The following LBR variants were observed in gnomAD, a reference collection of about 807,000 sequenced individuals.
LBR encodes delta(14)-sterol reductase LBR.
A neutral mutation model predicts 74.3 loss-of-function variants in LBR; 28 were observed. That is an observed-to-expected ratio of 0.38 (90% CI 0.28 to 0.52). The LOEUF (loss-of-function observed/expected upper bound fraction) is 0.52. Ranked by LOEUF, LBR falls within the 20% of genes least tolerant of loss-of-function variation. The pLI, the probability that LBR is intolerant of heterozygous loss-of-function variation, is 0.89. For missense variants in LBR, 717 were observed against 760.3 expected, an observed-to-expected ratio of 0.94 and a Z score of 0.67; for synonymous variants, 228 against 269.3, an observed-to-expected ratio of 0.85 and a Z score of 1.50.
chr1:225,405,601 C>T (rs1312972716), intron 11 of LBR, among the ~76,000 whole-genome samples: 1 of 152,164 alleles, frequency 6.6e-6, no homozygotes, highest in Non-Finnish European at 1.5e-5. Flanking sequence ...CACCTTCCAC[C>T]CTGGGATGCT....
At chr1:225,411,192 A>G in intron 9 of LBR, 145 bp downstream of exon 9, 1 of 708,210 alleles carries the variant, frequency 1.4e-6, no homozygotes, top group East Asian at 2.6e-5. Context: ...TACTTACAAG[A>G]AAGTATTTTG....
At chr1:225,413,440 G>A (rs2150951051) in intron 7 of LBR, among the ~76,000 whole-genome samples, 1 of 152,310 alleles carries the variant, frequency 6.6e-6, no homozygotes, top group Non-Finnish European at 1.5e-5. Flanking sequence ...GTGCCTCAAA[G>A]AGCTGTGATC....
At chr1:225,410,053 T>C (rs2096101453) in intron 10 of LBR, among the ~76,000 whole-genome samples, 1 of 152,200 alleles carries the variant, frequency 6.6e-6, no homozygotes, top group South Asian at 2.1e-4. Flanking sequence ...ATTTAGAATA[T>C]TACTTTTAAA....
intron 8 of LBR, 147 bp from the exon 9 acceptor site, chr1:225,411,587 G>A (rs1330365002): frequency 2.1e-5 from 15 of 705,818 alleles, no homozygotes; most frequent in South Asian, 1.5e-4. Flanking sequence ...CAGACAGGAC[G>A]GCACAGACGA....
At chr1:225,405,491 G>C (rs1340440391) in intron 11 of LBR, among the ~76,000 whole-genome samples, 1 of 152,202 alleles carries the variant, frequency 6.6e-6, no homozygotes, top group Non-Finnish European at 1.5e-5. Flanking sequence ...TATCACAGGA[G>C]TGGGCTCAGT....
rs1042815153 is a variant in LBR at position 225,423,964 on chromosome 1, T to C, written c.112A>G (p.Thr38Ala). 3 of 1,613,832 alleles carry C rather than the reference T, an allele frequency of 1.9e-6. No homozygotes were observed. Among genetic ancestry groups the C allele is most frequent in the Non-Finnish European group, 2.5e-6 (3 of 1,179,792 alleles). ...TCTGTTCCATCTTTATACTTCACAG[T>C]GTAAAGCTGGGAGGTGCTGTCGTGG... ...LSHDSTSQLY[T>A]VKYKDGTELE... The change falls in exon 2 of 14, where the codon ACT becomes GCT. Residue 38 changes from threonine to alanine, a missense_variant. Coordinates refer to ENST00000272163, the MANE Select transcript of LBR (RefSeq NM_002296.4).
At chr1:225,408,752 AC>A (rs1277666701) in intron 10 of LBR, among the ~76,000 whole-genome samples, 1 of 152,200 alleles carries the variant, frequency 6.6e-6, no homozygotes, top group Non-Finnish European at 1.5e-5. Flanking sequence ...CTAGTTCTCT[AC>A]CCCTGGGGCT....
intron 11 of LBR, among the ~76,000 whole-genome samples, chr1:225,405,418 G>A (rs2096089465): frequency 6.6e-6 from 1 of 152,208 alleles, no homozygotes; most frequent in Non-Finnish European, 1.5e-5. Flanking sequence ...GTGTGGAGAG[G>A]TAGCACCTTT....
intron 5 of LBR, 90 bp from the exon 6 acceptor site, chr1:225,418,270 G>C (rs373592715): frequency 2.9e-6 from 4 of 1,356,544 alleles, no homozygotes; most frequent in Non-Finnish European, 4.1e-6. Context: ...ATCAGAACTC[G>C]TTATCTGGCT....
At chr1:225,419,167 C>T (rs2096122874) in intron 5 of LBR, 96 bp downstream of exon 5, 9 of 1,188,194 alleles carry the variant, frequency 7.6e-6, no homozygotes, top group Non-Finnish European at 6.3e-6. Flanking sequence ...CCTTGCCTGC[C>T]TCAGATGTCT....
intron 5 of LBR, among the ~76,000 whole-genome samples, chr1:225,418,717 G>C (rs2096122039): frequency 1.3e-5 from 2 of 152,306 alleles, no homozygotes; most frequent in Non-Finnish European, 2.9e-5. Context: ...GAGCCATTTA[G>C]ACAAGAAGTC....
chr1:225,403,582 A>G, intron 13 of LBR, 119 bp from the exon 14 acceptor site: 1 of 748,558 alleles, frequency 1.3e-6, no homozygotes, highest in South Asian at 1.6e-5. Flanking sequence ...TTTCTCTAAT[A>G]ATGATGAGAA....
At chr1:225,416,720 G>A (rs1322146096) in intron 6 of LBR, among the ~76,000 whole-genome samples, 2 of 151,720 alleles carry the variant, frequency 1.3e-5, no homozygotes, top group Admixed American at 1.3e-4. Flanking sequence ...AAAATATTTC[G>A]GAAAAAATTG....
In LBR at chr1:225,422,315, A is replaced by G. The variant is rs115196861; in HGVS notation, c.166-38T>C. 2,889 of 1,517,934 alleles carry G rather than the reference A, an allele frequency of 1.9e-3. 40 individuals carry two copies. The African/African-American group carries it at 0.034, about 18-fold the overall frequency. The allele number at this position is 1,517,934 out of a possible 1,614,324, so 94.0% of individuals were successfully genotyped here. A position where few individuals can be genotyped will look rare whatever the true frequency, so the allele number is the denominator to read the frequency against. On this transcript the variant is annotated intron_variant, in intron 2 of 13. Transcript: ENST00000272163. ...AAGAAGGCAAAGAGCTTTACCACAA[A>G]TCATAACACATACAGACAGACCCAC...
chr1:225,409,394 G>A (rs1319923419), intron 10 of LBR, among the ~76,000 whole-genome samples: 1 of 152,186 alleles, frequency 6.6e-6, no homozygotes, highest in Non-Finnish European at 1.5e-5. Flanking sequence ...ATTTTGCATA[G>A]AAGGCCAAAA....
At chr1:225,423,664 C>CATA in intron 2 of LBR, among the ~76,000 whole-genome samples, 1 of 152,324 alleles carries the variant, frequency 6.6e-6, no homozygotes, top group East Asian at 1.9e-4. Flanking sequence ...AGACACAGAA[C>CATA]GTAGTAAACC....
At position 225,402,991 on chromosome 1, in the gene LBR, T is replaced by G; in HGVS notation, c.*312A>C. Reference sequence around the variant, plus strand: ...GAAAAGTAATCAGAAACCATAAACATCAATAGCATTCTTCACAGTACATTT... The same window carrying G: ...GAAAAGTAATCAGAAACCATAAACAGCAATAGCATTCTTCACAGTACATTT... On this transcript the variant is annotated 3_prime_UTR_variant, in exon 14 of 14. Transcript: ENST00000272163. 7.1e-6 allele frequency: 2 copies of G among 279,992 alleles called. No individual in the cohort carries two copies. The allele number at this position is 279,992 out of a possible 1,614,324, so 17.3% of individuals were successfully genotyped here.
intron 11 of LBR, among the ~76,000 whole-genome samples, chr1:225,406,172 C>T (rs1312781831): frequency 2.0e-5 from 3 of 152,130 alleles, no homozygotes; most frequent in African/African-American, 7.2e-5. Context: ...AACACCATAT[C>T]CTCCGATAAG....
chr1:225,403,590 G>C (rs562505559), intron 13 of LBR, 127 bp from the exon 14 acceptor site: 1 of 724,034 alleles, frequency 1.4e-6, no homozygotes, highest in East Asian at 2.7e-5. Flanking sequence ...ATAATGATGA[G>C]AATAATTAAA....
Sources: allele counts gnomAD v4.1 joint callset (sites outside exome capture counted in the v4.1 genomes callset), GRCh38; gene constraint gnomAD v4.1.1; transcripts MANE v1.5; gene names NCBI Gene and HGNC (gene_info 2026-07-23, HGNC 2026-07-21).